The following PARD3B variants were observed in gnomAD, a reference collection of about 807,000 sequenced individuals.
PARD3B encodes partitioning defective 3 homolog B.
Under a neutral mutation model 130.2 loss-of-function variants are expected in PARD3B, and 103 were observed. The observed-to-expected ratio is 0.79, with a 90% CI of 0.67 to 0.93. PARD3B has a LOEUF of 0.93. Among genes scored for constraint, PARD3B ranks in the 40% least tolerant of loss-of-function variants. The pLI is 0.00. For missense variants in PARD3B, 1,609 were observed against 1,499.2 expected, an observed-to-expected ratio of 1.07 and a Z score of -1.21; for synonymous variants, 583 against 553.2, an observed-to-expected ratio of 1.05 and a Z score of -0.76.
At chr2:205,354,367 G>A (rs1479896183) in intron 18 of PARD3B, among the ~76,000 whole-genome samples, 3 of 151,612 alleles carry the variant, frequency 2.0e-5, no homozygotes, top group Non-Finnish European at 4.4e-5. Flanking sequence ...GAAGGAAGAG[G>A]TTTTTTGGGT....
rs1574786114 is a variant in PARD3B at position 205,354,406 on chromosome 2, A to G, written c.2631-46607A>G. Among the ~76,000 whole-genome samples the G allele has an allele frequency of 3.3e-5, 5 of 151,836 alleles. No individual in the cohort carries two copies. In the South Asian group the frequency reaches 1.0e-3, roughly 32 times the overall value. On this transcript the variant is annotated intron_variant, in intron 18 of 22. Transcript: ENST00000406610. ...GCACACCAACATGGCACATGTATACATATGTAACAAGCCGGCACGTTGTGC... is the reference window on the plus strand; with the variant it reads ...GCACACCAACATGGCACATGTATACGTATGTAACAAGCCGGCACGTTGTGC...
chr2:204,979,526 A>T (rs1199234792), intron 3 of PARD3B, among the ~76,000 whole-genome samples: 1 of 152,228 alleles, frequency 6.6e-6, no homozygotes, highest in African/African-American at 2.4e-5. Context: ...AGGAATATGA[A>T]TGGACAGCCA....
chr2:205,442,537 A>G (rs532832581), intron 20 of PARD3B, among the ~76,000 whole-genome samples: 129 of 152,036 alleles, frequency 8.5e-4, no homozygotes, highest in Non-Finnish European at 1.6e-3. Context: ...TCCTGACCTC[A>G]TGATCCACCC....
At chr2:205,399,932 C>T (rs1209846900) in intron 18 of PARD3B, among the ~76,000 whole-genome samples, 1 of 152,086 alleles carries the variant, frequency 6.6e-6, no homozygotes, top group African/African-American at 2.4e-5. Flanking sequence ...AGATCGGGTT[C>T]TAATCTCAGC....
chr2:205,534,267 A>G (rs1362192200), intron 21 of PARD3B, among the ~76,000 whole-genome samples: 1 of 152,174 alleles, frequency 6.6e-6, no homozygotes, highest in Non-Finnish European at 1.5e-5. Context: ...ATATCAGGCC[A>G]TGATAATGAC....
intron 1 of PARD3B, among the ~76,000 whole-genome samples, chr2:204,575,168 A>G (rs1474100527): frequency 6.6e-6 from 1 of 152,218 alleles, no homozygotes; most frequent in Non-Finnish European, 1.5e-5. Flanking sequence ...ACATGGTTTC[A>G]TTACAATCTG....
In PARD3B at chr2:204,704,017, T is replaced by A. The variant is rs528877217; in HGVS notation, c.222+17735T>A. 3.9e-5 allele frequency among the ~76,000 whole-genome samples: 6 copies of A among 152,268 alleles called. No individual in the cohort carries two copies. In the East Asian group the frequency reaches 1.2e-3, roughly 29 times the overall value. On this transcript the variant is annotated intron_variant, in intron 2 of 22. Coordinates refer to ENST00000406610, the MANE Select transcript of PARD3B (RefSeq NM_001302769.2). ...ATGATTTGTCAAATTTTTCCAGATA[T>A]GGCATAAATGTTTCAGAATAAAATA...
At chr2:205,188,097 A>C (rs1216141531) in intron 14 of PARD3B, among the ~76,000 whole-genome samples, 1 of 152,248 alleles carries the variant, frequency 6.6e-6, no homozygotes, top group African/African-American at 2.4e-5. Context: ...CAGCCAGCTA[A>C]GCATTAGATA....
At chr2:204,752,755 C>T (rs539186153) in intron 2 of PARD3B, among the ~76,000 whole-genome samples, 2 of 152,220 alleles carry the variant, frequency 1.3e-5, no homozygotes, top group Admixed American at 1.3e-4. Context: ...TATTAAATGG[C>T]CTATCTCCCA....
At chr2:204,687,562 C>T (rs145724158) in intron 2 of PARD3B, among the ~76,000 whole-genome samples, 2 of 152,232 alleles carry the variant, frequency 1.3e-5, no homozygotes, top group Non-Finnish European at 2.9e-5. Flanking sequence ...AAAAAGACAG[C>T]TTTACTTTCT....
intron 22 of PARD3B, among the ~76,000 whole-genome samples, chr2:205,570,819 C>T (rs1290219142): frequency 1.2e-4 from 18 of 152,104 alleles, no homozygotes; most frequent in Admixed American, 9.8e-4. Context: ...TGTTCTCATC[C>T]GCAGAAAGTA....
At chr2:205,439,767 A>G (rs1321182591) in intron 19 of PARD3B, among the ~76,000 whole-genome samples, 3 of 152,196 alleles carry the variant, frequency 2.0e-5, no homozygotes, top group South Asian at 2.1e-4. Flanking sequence ...CCTAGCGCCT[A>G]TATAATGAGA....
Position 204,890,732 on chromosome 2 carries a change from G to A in PARD3B, c.223-74420G>A, listed in dbSNP as rs957963395. Among the ~76,000 whole-genome samples the A allele has an allele frequency of 2.0e-5, 3 of 152,154 alleles. No homozygotes were observed. The highest frequency in any genetic ancestry group is 7.2e-5 in the African/African-American group (3 of 41,442). On this transcript the variant is annotated intron_variant, in intron 2 of 22. Transcript: ENST00000406610. The surrounding 1 kb of genome is among the most constrained non-coding windows in gnomAD (Gnocchi z 4.9). ...ATGGCCTAAGGCCTGCTAGCCACAGGGAGGCAGGGATGTCCCCTCTTGCTC... is the reference window on the plus strand; with the variant it reads ...ATGGCCTAAGGCCTGCTAGCCACAGAGAGGCAGGGATGTCCCCTCTTGCTC...
chr2:204,667,978 T>C (rs75603760), intron 1 of PARD3B, among the ~76,000 whole-genome samples: 1,955 of 152,276 alleles, frequency 0.013, 57 homozygotes, highest in African/African-American at 0.044. Context: ...TGGTGATTCT[T>C]GTATGGACAG....
At chr2:205,013,714 G>T (rs1040087154) in intron 3 of PARD3B, among the ~76,000 whole-genome samples, 1 of 152,222 alleles carries the variant, frequency 6.6e-6, no homozygotes, top group Non-Finnish European at 1.5e-5. Flanking sequence ...ACTGCCTGCT[G>T]TGAAGCAGCA....
intron 15 of PARD3B, among the ~76,000 whole-genome samples, chr2:205,225,671 GGCAAAGGGGAA>G (rs1160237147): frequency 6.6e-6 from 1 of 152,146 alleles, no homozygotes; most frequent in African/African-American, 2.4e-5. Context: ...CATGGCAGAA[GGCAAAGGGGAA>G]GCAAGCACAT....
At chr2:205,164,745 G>T (rs1307338677) in intron 11 of PARD3B, among the ~76,000 whole-genome samples, 2 of 151,228 alleles carry the variant, frequency 1.3e-5, no homozygotes, top group African/African-American at 4.9e-5. Flanking sequence ...ATGATGCTTT[G>T]GCTCTGAAAA....
chr2:205,489,499 A>G (rs60249559), intron 20 of PARD3B, among the ~76,000 whole-genome samples: 617 of 54,558 alleles, frequency 0.011, 6 homozygotes, highest in East Asian at 0.019. Context: ...ATATGTGTGT[A>G]TATATATATA....
rs115517848 is a variant in PARD3B at position 205,018,146 on chromosome 2, T to G, written c.395-29435T>G. Among the ~76,000 whole-genome samples, 413 of 152,262 alleles carry G rather than the reference T, an allele frequency of 2.7e-3. 3 individuals carry two copies. The highest frequency in any genetic ancestry group is 9.0e-3 in the African/African-American group (376 of 41,560). ...AGGTGTGATATAGCTGTATAATATG[T>G]CTACATATTTACCTTTAGCGTAATC... is the stretch of plus-strand genomic sequence containing the variant. On this transcript the variant is annotated intron_variant, in intron 3 of 22. Coordinates refer to ENST00000406610, the MANE Select transcript of PARD3B (RefSeq NM_001302769.2).
Sources: allele counts gnomAD v4.1 joint callset (sites outside exome capture counted in the v4.1 genomes callset), GRCh38; gene constraint gnomAD v4.1.1; non-coding constraint Gnocchi (gnomAD v3.1); transcripts MANE v1.5; gene names NCBI Gene and HGNC (gene_info 2026-07-23, HGNC 2026-07-21).